TPPP: variants seen among roughly 807,000 people sequenced by gnomAD.
The protein encoded by TPPP is tubulin polymerization-promoting protein.
In TPPP, 6 loss-of-function variants were observed where a neutral mutation model predicts 15.5. The observed-to-expected ratio is 0.39, with a 90% CI of 0.21 to 0.77. TPPP has a LOEUF of 0.77. Ranked by LOEUF, TPPP falls within the 30% of genes least tolerant of loss-of-function variation. TPPP has a pLI of 0.42. For missense variants in TPPP, 269 were observed against 307.2 expected (o/e 0.88, Z 0.93); for synonymous variants, 146 against 133.9 (o/e 1.09, Z -0.63).
At chr5:669,229 C>T (rs981566999) in intron 2 of TPPP, among the ~76,000 whole-genome samples, 20 of 152,160 alleles carry the variant, frequency 1.3e-4, no homozygotes, top group South Asian at 2.1e-4. Flanking sequence ...CCAGACCCGC[C>T]GGCCATAGGG....
At chr5:676,592 G>A (rs1354022103) in intron 2 of TPPP, 1 of 152,284 alleles carries the variant, frequency 6.6e-6, no homozygotes, top group African/African-American at 2.4e-5. Flanking sequence ...CCGAAATAAA[G>A]CCATTGCCAC....
chr5:700,067 A>G, the TPPP span, among the ~76,000 whole-genome samples: 1 of 151,968 alleles, frequency 6.6e-6, no homozygotes, highest in African/African-American at 2.4e-5. Context: ...TAGAACAACT[A>G]TTTGGTTCAG....
At chr5:688,924 C>T in intron 1 of TPPP, among the ~76,000 whole-genome samples, 1 of 117,024 alleles carries the variant, frequency 8.5e-6, no homozygotes, top group Non-Finnish European at 2.0e-5. Context: ...TGCAGCGGTG[C>T]CCTGGGCTCA....
Position 665,277 on chromosome 5 carries a change from G to A in TPPP, c.485C>T (p.Thr162Ile). 1 of 1,613,476 alleles carries A rather than the reference G, an allele frequency of 6.2e-7. No individual in the cohort carries two copies. Residue 162 changes from threonine to isoleucine, a missense_variant, in exon 4 of 4, where the codon ACA becomes ATA. Coordinates refer to ENST00000360578, the MANE Select transcript of TPPP (RefSeq NM_007030.3). ...SGVTKAISSP[T>I]VSRLTDTTKF... Reference sequence around the variant, plus strand: ...GGTGGTGTCCGTGAGCCTCGACACTGTGGGCGACGAGATGGCTTTCTGCAA... The same window carrying A: ...GGTGGTGTCCGTGAGCCTCGACACTATGGGCGACGAGATGGCTTTCTGCAA...
At chr5:686,947 G>A (rs142007868) in intron 1 of TPPP, among the ~76,000 whole-genome samples, 23,343 of 133,822 alleles carry the variant, frequency 0.17, 2,456 homozygotes, top group Middle Eastern at 0.26. Flanking sequence ...GGCCCTTGTC[G>A]GACGCCAAGC....
chr5:681,834 G>A (rs1334221147), intron 1 of TPPP, among the ~76,000 whole-genome samples: 2 of 152,220 alleles, frequency 1.3e-5, no homozygotes, highest in East Asian at 3.8e-4. Context: ...TCAGAGTGGG[G>A]CAGGCAAAGG....
upstream of TPPP, among the ~76,000 whole-genome samples, chr5:697,515 A>C (rs761636523): frequency 9.2e-5 from 14 of 151,982 alleles, no homozygotes; most frequent in Non-Finnish European, 1.6e-4. Context: ...AGAAGGGAGG[A>C]ACTTGTGTCT....
intron 2 of TPPP, among the ~76,000 whole-genome samples, chr5:667,557 T>C (rs186279256): frequency 1.6e-4 from 25 of 152,174 alleles, no homozygotes; most frequent in Non-Finnish European, 2.8e-4. Context: ...AAAAAATGGA[T>C]GAACTAGACT....
chr5:665,133 G>A lies in TPPP; in HGVS notation c.629C>T (p.Thr210Ile), dbSNP rs1174331335. Residue 210 changes from threonine (T) to isoleucine (I), a missense_variant, in exon 4 of 4, where the codon ACC (threonine) becomes ATC (isoleucine). Coordinates refer to ENST00000360578, the MANE Select transcript of TPPP (RefSeq NM_007030.3). ...GCCCCCTTGCACCTTCTGGTCGTAG[G>A]TGCCTGCGTGCTTGTAGCCGGACAC... ...GYVSGYKHAG[T>I]YDQKVQGGK is the part of the protein sequence containing the mutation. 7 of 1,612,542 alleles carry A rather than the reference G, an allele frequency of 4.3e-6. No individual in the cohort carries two copies. The highest frequency in any genetic ancestry group is 2.7e-5 in the African/African-American group (2 of 75,066).
chr5:669,156 T>C (rs1359942970), intron 2 of TPPP, among the ~76,000 whole-genome samples: 2 of 152,144 alleles, frequency 1.3e-5, no homozygotes, highest in East Asian at 1.9e-4. Flanking sequence ...CGGAGGGGGC[T>C]TTGGGGAGAC....
intron 2 of TPPP, among the ~76,000 whole-genome samples, chr5:666,409 C>T (rs376551969): frequency 5.3e-5 from 8 of 152,344 alleles, no homozygotes; most frequent in South Asian, 4.1e-4. Flanking sequence ...CATTAGGCAG[C>T]GGAGCCCACC....
chr5:674,233 G>T (rs1740326061), intron 2 of TPPP, among the ~76,000 whole-genome samples: 1 of 152,224 alleles, frequency 6.6e-6, no homozygotes, highest in Non-Finnish European at 1.5e-5. Context: ...GGCACCCAGG[G>T]ACTCGTCCCA....
intron 1 of TPPP, among the ~76,000 whole-genome samples, chr5:683,295 A>ATT (rs1491049137): frequency 1.4e-4 from 9 of 62,680 alleles, no homozygotes; most frequent in African/African-American, 3.7e-4. Context: ...GGAGAAAGAC[A>ATT]CTCTGATGGC....
At chr5:673,249 G>T (rs1740284705) in intron 2 of TPPP, among the ~76,000 whole-genome samples, 1 of 152,206 alleles carries the variant, frequency 6.6e-6, no homozygotes, top group Non-Finnish European at 1.5e-5. Flanking sequence ...TGGTGGCCCT[G>T]CTCCTCTCTC....
chr5:697,137 G>C (rs1741027730), upstream of TPPP, among the ~76,000 whole-genome samples: 1 of 151,548 alleles, frequency 6.6e-6, no homozygotes, highest in African/African-American at 2.4e-5. Flanking sequence ...GAATTGCTGT[G>C]GAACATGGAA....
At chr5:671,060 C>T (rs1035442367) in intron 2 of TPPP, among the ~76,000 whole-genome samples, 2 of 152,168 alleles carry the variant, frequency 1.3e-5, no homozygotes, top group African/African-American at 4.8e-5. Context: ...TAACCCCAGG[C>T]ACACCCACCA....
intron 2 of TPPP, among the ~76,000 whole-genome samples, chr5:667,458 T>C (rs1032500521): frequency 2.6e-5 from 4 of 152,120 alleles, no homozygotes; most frequent in Admixed American, 6.5e-5. Context: ...AAACTAAAAC[T>C]TCTAGAAGAA....
rs1740901079 is a variant in TPPP, at chr5:692,190, C to A, written c.-5+1088G>T. On this transcript the variant is annotated intron_variant, in intron 1 of 3. Coordinates refer to ENST00000360578, the MANE Select transcript of TPPP (RefSeq NM_007030.3). ...ACCTATCAAAACAGCAGCCCCCAAC[C>A]CCTATCAAAACAGCAGCCCCCCAAC... Among the ~76,000 whole-genome samples the A allele has an allele frequency of 3.5e-5, 4 of 113,764 alleles. No individual in the cohort carries two copies. The South Asian group carries it at 9.7e-4, about 28-fold the overall frequency. 74.6% of individuals were successfully genotyped at this position (113,764 alleles called of 152,430 possible).
chr5:664,217 G>A lies in TPPP; in HGVS notation c.*885C>T, dbSNP rs986595097. ...GCTAGTGAGGACGGGCGAACGGGAG[G>A]GCCGGGCAGAGGCTCTGTCACGCGG... On this transcript the variant is annotated 3_prime_UTR_variant, in exon 4 of 4. Coordinates refer to ENST00000360578, the MANE Select transcript of TPPP (RefSeq NM_007030.3). The A allele has an allele frequency of 6.6e-6, 1 of 152,586 alleles. No individual in the cohort carries two copies. The highest frequency in any genetic ancestry group is 6.5e-5 in the Admixed American group (1 of 15,294). The allele number at this position is 152,586 out of a possible 1,614,324, so 9.5% of individuals were successfully genotyped here.
Sources: gnomAD v4.1 joint callset for allele counts (sites outside exome capture counted in the v4.1 genomes callset) on GRCh38, gnomAD v4.1.1 for gene constraint, MANE v1.5 for transcripts, NCBI Gene and HGNC (gene_info 2026-07-23, HGNC 2026-07-21) for gene names.